Variants in PTPRZ1 observed in about 807,000 individuals in gnomAD.
The protein encoded by PTPRZ1 is receptor-type tyrosine-protein phosphatase zeta.
In PTPRZ1, 82 loss-of-function variants were observed where a neutral mutation model predicts 214.1. The ratio of observed to expected loss-of-function variants is 0.38; its 90% confidence interval spans 0.32 to 0.46. The LOEUF is 0.46. Ranked by LOEUF, PTPRZ1 falls within the 20% of genes least tolerant of loss-of-function variation. The pLI is 1.00. For synonymous variants in PTPRZ1, 945 were observed against 987.9 expected (o/e 0.96, Z 0.81); for missense variants, 2,603 against 2,748.7 (o/e 0.95, Z 1.19).
At chr7:121,979,265 G>A (rs1022213233) in intron 6 of PTPRZ1, among the ~76,000 whole-genome samples, 2 of 151,986 alleles carry the variant, frequency 1.3e-5, no homozygotes, top group Admixed American at 1.3e-4. Flanking sequence ...TATCCATGGA[G>A]TGGAGAGAGA....
chr7:121,907,748 CAAAT>C (rs59555306), intron 1 of PTPRZ1, among the ~76,000 whole-genome samples: 20,710 of 151,654 alleles, frequency 0.14, 1,569 homozygotes, highest in South Asian at 0.33. Flanking sequence ...ATAAGTTTCA[CAAAT>C]AAATAAACTT....
Position 121,996,508 on chromosome 7 carries a change from A to G in PTPRZ1, c.1055A>G (p.Gln352Arg). ...GAGAAGTTTGCAGTTTTGTACCAGCAGTTGGATGGAGAGGACCAAACCAAG... is the reference window on the plus strand; with the variant it reads ...GAGAAGTTTGCAGTTTTGTACCAGCGGTTGGATGGAGAGGACCAAACCAAG... ...MIEKFAVLYQ[Q>R]LDGEDQTKHE... Residue 352 changes from glutamine (Q) to arginine (R), a missense_variant, in exon 9 of 30, where the codon CAG becomes CGG. Transcript: ENST00000393386. 1 of 1,613,132 alleles carries G rather than the reference A, an allele frequency of 6.2e-7. No homozygotes were observed. The highest frequency in any genetic ancestry group is 8.5e-7 in the Non-Finnish European group (1 of 1,179,456).
At chr7:121,959,371 G>A (rs1253166549) in intron 2 of PTPRZ1, among the ~76,000 whole-genome samples, 1 of 152,142 alleles carries the variant, frequency 6.6e-6, no homozygotes, top group Non-Finnish European at 1.5e-5. Flanking sequence ...CTTTATTTCA[G>A]TTTTAATAGC....
chr7:122,012,167 C>T lies in PTPRZ1; in HGVS notation c.3121C>T (p.Leu1041Phe). Residue 1041 changes from leucine to phenylalanine, a missense_variant, in exon 12 of 30, where the codon CTT becomes TTT. Transcript: ENST00000393386. ...TSVFGDDNKA[L>F]SKSEIIYGNE... The stretch of plus-strand genomic sequence containing the variant: ...TGTGTTTGGTGATGATAATAAGGCG[C>T]TTTCTAAAAGTGAAATAATATATGG... 6.2e-7 allele frequency: 1 copy of T among 1,613,920 alleles called. No homozygotes were observed. The highest frequency in any genetic ancestry group is 8.5e-7 in the Non-Finnish European group (1 of 1,179,866).
At chr7:122,053,006 C>T (rs181746733) in intron 25 of PTPRZ1, among the ~76,000 whole-genome samples, 2 of 152,270 alleles carry the variant, frequency 1.3e-5, no homozygotes, top group Non-Finnish European at 2.9e-5. Flanking sequence ...AAGGGATTCA[C>T]CTGCATGGGT....
chr7:121,929,592 G>A (rs1795864047), intron 2 of PTPRZ1, among the ~76,000 whole-genome samples: 1 of 151,100 alleles, frequency 6.6e-6, no homozygotes, highest in South Asian at 2.1e-4. Flanking sequence ...TAGATCACAA[G>A]GTCAGGAGTT....
intron 1 of PTPRZ1, among the ~76,000 whole-genome samples, chr7:121,906,694 A>C (rs528664407): frequency 6.6e-6 from 1 of 152,178 alleles, no homozygotes; most frequent in Non-Finnish European, 1.5e-5. Flanking sequence ...GGCTTGGGAA[A>C]GGGCAGTGGG....
At chr7:121,969,340 T>C (rs1471435685) in intron 3 of PTPRZ1, among the ~76,000 whole-genome samples, 1 of 152,142 alleles carries the variant, frequency 6.6e-6, no homozygotes, top group Non-Finnish European at 1.5e-5. Flanking sequence ...GGTGGGTGGA[T>C]CACCTGAGGT....
At chr7:122,051,728 A>T in intron 24 of PTPRZ1, 138 bp from the exon 25 acceptor site, 1 of 907,814 alleles carries the variant, frequency 1.1e-6, no homozygotes. Context: ...TAGCTTACAG[A>T]TCAGAGACAC....
chr7:121,999,116 G>T (rs1798246070), intron 10 of PTPRZ1, among the ~76,000 whole-genome samples: 1 of 152,044 alleles, frequency 6.6e-6, no homozygotes, highest in Admixed American at 6.5e-5. Context: ...CCAAACTACA[G>T]GCTACAAAAC....
intron 2 of PTPRZ1, among the ~76,000 whole-genome samples, chr7:121,962,174 G>T (rs114332675): frequency 0.037 from 5,649 of 152,212 alleles, 115 homozygotes; most frequent in East Asian, 0.087. Flanking sequence ...TTAAGGCCAG[G>T]CACAGTGGTT....
chr7:122,038,899 T>C lies in PTPRZ1; in HGVS notation c.5502+10T>C. The C allele has an allele frequency of 1.2e-6, 2 of 1,613,452 alleles. No homozygotes were observed. Among genetic ancestry groups the C allele is most frequent in the Non-Finnish European group, 8.5e-7 (1 of 1,179,560 alleles). On this transcript the variant is annotated intron_variant, in intron 19 of 29. Transcript: ENST00000393386. Reference sequence around the variant, plus strand: ...CGTGGAGAAAGGAAGGGTATGTAGATAATCTGTTATGTCACCCCCAAAAAA... The same window carrying C: ...CGTGGAGAAAGGAAGGGTATGTAGACAATCTGTTATGTCACCCCCAAAAAA...
intron 2 of PTPRZ1, among the ~76,000 whole-genome samples, chr7:121,932,100 G>GC (rs1795943221): frequency 1.3e-5 from 2 of 152,270 alleles, no homozygotes; most frequent in South Asian, 4.2e-4. Flanking sequence ...CTAAAGATGA[G>GC]TACATTTTAC....
At chr7:122,033,849 G>A (rs555805195) in intron 15 of PTPRZ1, 84 of 493,588 alleles carry the variant, frequency 1.7e-4, no homozygotes, top group African/African-American at 1.6e-3. Flanking sequence ...ATCATATTAT[G>A]ACATCACTAT....
At chr7:121,956,917 C>T (rs368480449) in intron 2 of PTPRZ1, among the ~76,000 whole-genome samples, 3 of 152,064 alleles carry the variant, frequency 2.0e-5, no homozygotes, top group South Asian at 2.1e-4. Flanking sequence ...CTCCTTCCCC[C>T]CCAAAAAACA....
chr7:121,875,232 A>G (rs1391950807), intron 1 of PTPRZ1, among the ~76,000 whole-genome samples: 1 of 152,144 alleles, frequency 6.6e-6, no homozygotes, highest in Non-Finnish European at 1.5e-5. Context: ...GCTCCTAGCA[A>G]CCACTAATCT....
intron 12 of PTPRZ1, 32 bp from the exon 13 acceptor site, chr7:122,019,092 A>T (rs768418481): frequency 6.4e-7 from 1 of 1,565,466 alleles, no homozygotes; most frequent in Non-Finnish European, 8.7e-7. Context: ...TTCACCTTAA[A>T]TATCAATTCT....
At chr7:121,978,301 A>AC (rs1797502280) in intron 6 of PTPRZ1, among the ~76,000 whole-genome samples, 1 of 151,950 alleles carries the variant, frequency 6.6e-6, no homozygotes, top group Admixed American at 6.6e-5. Flanking sequence ...CTAGTCCTTT[A>AC]CCCCCTCTCT....
intron 2 of PTPRZ1, among the ~76,000 whole-genome samples, chr7:121,958,517 G>A (rs1328021816): frequency 6.6e-6 from 1 of 152,144 alleles, no homozygotes; most frequent in African/African-American, 2.4e-5. Context: ...TTTGATTGAA[G>A]TATTTCACCC....
Sources: gnomAD v4.1 joint callset for allele counts (sites outside exome capture counted in the v4.1 genomes callset) on GRCh38, gnomAD v4.1.1 for gene constraint, MANE v1.5 for transcripts, NCBI Gene and HGNC (gene_info 2026-07-23, HGNC 2026-07-21) for gene names.